Variants in NECTIN3 observed in about 807,000 individuals in gnomAD.
NECTIN3 encodes the protein nectin-3.
In NECTIN3, 8 loss-of-function variants were observed where a neutral mutation model predicts 49.4. The observed-to-expected ratio is 0.16, with a 90% CI of 0.10 to 0.29. The LOEUF is 0.29. Ranked by LOEUF, NECTIN3 falls within the 10% of genes least tolerant of loss-of-function variation. NECTIN3 has a pLI of 1.00. For missense variants in NECTIN3, 581 were observed against 654.6 expected (o/e 0.89, Z 1.23); for synonymous variants, 277 against 241.1 (o/e 1.15, Z -1.38).
intron 7 of NECTIN3, among the ~76,000 whole-genome samples, chr3:111,169,375 CT>C (rs59239398): frequency 0.21 from 24,243 of 114,568 alleles, 4,297 homozygotes; most frequent in African/African-American, 0.52. Context: ...CAAACGCAAA[CT>C]TTTTTTTTTT....
intron 7 of NECTIN3, among the ~76,000 whole-genome samples, chr3:111,179,362 C>T (rs1032900506): frequency 6.6e-6 from 1 of 152,172 alleles, no homozygotes; most frequent in African/African-American, 2.4e-5. Flanking sequence ...ACAAAGCTAG[C>T]ACCCAAGATA....
intron 1 of NECTIN3, among the ~76,000 whole-genome samples, chr3:111,091,441 A>G (rs1211102924): frequency 6.6e-6 from 1 of 151,870 alleles, no homozygotes; most frequent in Non-Finnish European, 1.5e-5. Flanking sequence ...TTTAGTAGAG[A>G]CGGGGTTTCA....
rs917268188 is a variant in NECTIN3, at chr3:111,126,456, T to A, written c.1069+121T>A. 1.8e-5 allele frequency: 15 copies of A among 837,064 alleles called. No individual in the cohort carries two copies. The South Asian group carries it at 2.6e-4, about 15-fold the overall frequency. The allele number at this position is 837,064 out of a possible 1,614,324, so 51.9% of individuals were successfully genotyped here. ...GATACAGATTCCTCAGTGTGAAGTTTTTCCAAATAATCTAAAAGGAATATG... is the reference window on the plus strand; with the variant it reads ...GATACAGATTCCTCAGTGTGAAGTTATTCCAAATAATCTAAAAGGAATATG... On this transcript the variant is annotated intron_variant, in intron 5 of 5. Transcript: ENST00000485303.
chr3:111,095,119 C>G (rs1412138197), intron 1 of NECTIN3, among the ~76,000 whole-genome samples: 1 of 152,100 alleles, frequency 6.6e-6, no homozygotes, highest in African/African-American at 2.4e-5. Context: ...ACATAGGGTT[C>G]TCATTAACTT....
At chr3:111,139,558 T>A (rs2107503144), downstream of NECTIN3, among the ~76,000 whole-genome samples, 1 of 151,904 alleles carries the variant, frequency 6.6e-6, no homozygotes, top group Admixed American at 6.6e-5. Flanking sequence ...AGAAAGTACA[T>A]GCCTACTTTT....
At chr3:111,132,929 A>G (rs756155990) in intron 5 of NECTIN3, among the ~76,000 whole-genome samples, 40 of 151,946 alleles carry the variant, frequency 2.6e-4, no homozygotes, top group Non-Finnish European at 4.4e-4. Context: ...GTAATAGCCT[A>G]TCAGGCTAAC....
At chr3:111,108,744 A>G (rs986037083) in intron 1 of NECTIN3, among the ~76,000 whole-genome samples, 3 of 152,084 alleles carry the variant, frequency 2.0e-5, no homozygotes, top group African/African-American at 7.2e-5. Context: ...GAAAGCGGGG[A>G]AGTGCGAGCC....
chr3:111,162,086 T>G (rs2035223830), intron 7 of NECTIN3, among the ~76,000 whole-genome samples: 1 of 152,150 alleles, frequency 6.6e-6, no homozygotes, highest in Non-Finnish European at 1.5e-5. Context: ...CCTTGTAGAT[T>G]CTTAAGGTTT....
At position 111,135,756 on chromosome 3, in the gene NECTIN3, A is replaced by G. The variant is rs920788026; in HGVS notation, c.*1541A>G. 1.0e-6 allele frequency: 1 copy of G among 961,212 alleles called. No individual in the cohort carries two copies. The highest frequency in any genetic ancestry group is 1.2e-6 in the Non-Finnish European group (1 of 808,192). 59.5% of individuals were successfully genotyped at this position (961,212 alleles called of 1,614,324 possible). On this transcript the variant is annotated 3_prime_UTR_variant, in exon 6 of 6. Transcript: ENST00000485303. ...AAAACATTTAGGGGGCAAAATTCTA[A>G]CATGTTCATGGTATCTTGCAAATAG...
chr3:111,182,392 C>G (rs2035643373), intron 7 of NECTIN3, among the ~76,000 whole-genome samples: 1 of 151,940 alleles, frequency 6.6e-6, no homozygotes, highest in Non-Finnish European at 1.5e-5. Flanking sequence ...ACTGATTTTC[C>G]TTTTTCATTT....
chr3:111,076,189 G>A (rs930418713), intron 1 of NECTIN3, among the ~76,000 whole-genome samples: 2 of 151,990 alleles, frequency 1.3e-5, no homozygotes, highest in Non-Finnish European at 2.9e-5. Flanking sequence ...TTTTATATGT[G>A]TATAGTTAAG....
chr3:111,110,598 G>A (rs906313099), intron 1 of NECTIN3, among the ~76,000 whole-genome samples: 4 of 152,004 alleles, frequency 2.6e-5, no homozygotes, highest in African/African-American at 7.2e-5. Flanking sequence ...GCTTGTGATA[G>A]GTTGCTAAAA....
rs535999104 is a variant in NECTIN3 at position 111,165,042 on chromosome 3, T to TA, written c.1221+17558_1221+17559insA. Among the ~76,000 whole-genome samples the TA allele has an allele frequency of 7.1e-3, 1,086 of 152,150 alleles. 7 individuals carry two copies. Among genetic ancestry groups the TA allele is most frequent in the Non-Finnish European group, 0.011 (772 of 67,974 alleles). On this transcript the variant is annotated intron_variant, in intron 7 of 8. Coordinates refer to the NECTIN3 transcript ENST00000493615. ...TGCAGATGTTTTTTATTTTTTTATT[T>TA]TTTATTTATTTATTTATTTTTTGAG... is the stretch of plus-strand genomic sequence containing the variant.
intron 1 of NECTIN3, among the ~76,000 whole-genome samples, chr3:111,082,221 AT>A (rs1327288637): frequency 6.6e-6 from 1 of 152,138 alleles, no homozygotes; most frequent in Non-Finnish European, 1.5e-5. Flanking sequence ...TTTCACATGC[AT>A]TTGTGGTGTA....
chr3:111,161,795 A>T (rs2035217365), intron 7 of NECTIN3, among the ~76,000 whole-genome samples: 1 of 152,212 alleles, frequency 6.6e-6, no homozygotes, highest in Non-Finnish European at 1.5e-5. Context: ...ACAGGTGATT[A>T]AACAGATCTT....
intron 7 of NECTIN3, among the ~76,000 whole-genome samples, chr3:111,154,619 C>G (rs1559811078): frequency 1.3e-5 from 2 of 152,066 alleles, no homozygotes; most frequent in Non-Finnish European, 2.9e-5. Context: ...TCCTATGAGC[C>G]AAGTGAGTTG....
chr3:111,097,728 T>G (rs917367030), intron 1 of NECTIN3, among the ~76,000 whole-genome samples: 2 of 152,188 alleles, frequency 1.3e-5, no homozygotes, highest in African/African-American at 4.8e-5. Flanking sequence ...CTTTTCTCCT[T>G]GCCTTCCTCC....
chr3:111,177,624 G>A (rs763083515), intron 7 of NECTIN3, among the ~76,000 whole-genome samples: 36 of 152,106 alleles, frequency 2.4e-4, no homozygotes, highest in Non-Finnish European at 3.7e-4. Context: ...GAGGGTGTTC[G>A]GGTGTGTTGA....
intron 7 of NECTIN3, among the ~76,000 whole-genome samples, chr3:111,182,127 A>G (rs2035636936): frequency 6.6e-6 from 1 of 152,094 alleles, no homozygotes. Flanking sequence ...ATATTTTACA[A>G]ACATTTTGAA....
Sources: gnomAD v4.1 joint callset for allele counts (sites outside exome capture counted in the v4.1 genomes callset) on GRCh38, gnomAD v4.1.1 for gene constraint, MANE v1.5 for transcripts, NCBI Gene and HGNC (gene_info 2026-07-23, HGNC 2026-07-21) for gene names.